Variants in NELL1 observed in about 807,000 individuals in gnomAD.
NELL1 encodes neural EGFL like 1.
In NELL1, 76 loss-of-function variants were observed where a neutral mutation model predicts 107.4. The observed-to-expected ratio is 0.71, with a 90% confidence interval of 0.59 to 0.86. The LOEUF (loss-of-function observed/expected upper bound fraction) is 0.86, where lower values mean the gene tolerates loss of function less well. Ranked by LOEUF, NELL1 falls within the 40% of genes least tolerant of loss-of-function variation. The probability of loss-of-function intolerance (pLI) is 0.00; values close to 1 mark genes in which losing one functional copy is unlikely to be tolerated. For missense variants in NELL1, 1,024 were observed against 1,005.5 expected (o/e 1.02, Z -0.25); for synonymous variants, 353 against 341.2 (o/e 1.03, Z -0.38).
At chr11:21,148,592 A>T (rs1791842) in intron 13 of NELL1, among the ~76,000 whole-genome samples, 1 of 151,940 alleles carries the variant, frequency 6.6e-6, no homozygotes, top group Non-Finnish European at 1.5e-5. Flanking sequence ...ACAGCGTGGG[A>T]TCAACTTCTC....
At chr11:21,346,564 TATA>T (rs1409473232) in intron 14 of NELL1, among the ~76,000 whole-genome samples, 14 of 147,574 alleles carry the variant, frequency 9.5e-5, no homozygotes, top group Admixed American at 2.7e-4. Flanking sequence ...TGGTATTTGA[TATA>T]ATAATATATA....
intron 2 of NELL1, among the ~76,000 whole-genome samples, chr11:20,751,792 T>C (rs899162155): frequency 1.3e-5 from 2 of 152,236 alleles, no homozygotes; most frequent in Non-Finnish European, 2.9e-5. Flanking sequence ...GGCCAGCTTT[T>C]TGTTGGATTT....
chr11:20,871,709 T>A, intron 4 of NELL1, among the ~76,000 whole-genome samples: 1 of 152,122 alleles, frequency 6.6e-6, no homozygotes, highest in East Asian at 1.9e-4. Flanking sequence ...CCTCTTACTT[T>A]GCCTCGGAGA....
chr11:20,823,710 T>A (rs904627656), intron 3 of NELL1, among the ~76,000 whole-genome samples: 1 of 151,016 alleles, frequency 6.6e-6, no homozygotes, highest in African/African-American at 2.4e-5. Flanking sequence ...CTCTGCCAAG[T>A]ATGTGGGAAT....
At chr11:21,289,811 G>A (rs1484754551) in intron 14 of NELL1, among the ~76,000 whole-genome samples, 1 of 152,092 alleles carries the variant, frequency 6.6e-6, no homozygotes. Context: ...GTGGAGGGAG[G>A]GGCATCCGCC....
At chr11:21,485,576 G>A (rs572856656) in intron 15 of NELL1, among the ~76,000 whole-genome samples, 4 of 151,746 alleles carry the variant, frequency 2.6e-5, no homozygotes, top group Admixed American at 6.6e-5. Context: ...CTCTGCTTGC[G>A]AGCTGCTGTA....
rs145656471 is a variant in NELL1, at chr11:21,291,631, A to G, written c.1549+62177A>G. ...AGAGATACAACAACAAAAAAAGAAT[A>G]TTTCATGCCAGTATTCCCTGATGAA... On this transcript the variant is annotated intron_variant, in intron 14 of 19. Transcript: ENST00000357134. Among the ~76,000 whole-genome samples the G allele has an allele frequency of 1.6e-3, 237 of 152,274 alleles. 1 individual carries two copies. The highest frequency in any genetic ancestry group is 0.014 in the Middle Eastern group (4 of 294).
intron 16 of NELL1, among the ~76,000 whole-genome samples, chr11:21,552,883 T>C (rs1250114493): frequency 6.6e-6 from 1 of 151,784 alleles, no homozygotes; most frequent in Non-Finnish European, 1.5e-5. Flanking sequence ...AGGGCATAGT[T>C]TTTGGAAAAG....
At chr11:20,981,779 G>T (rs1851754824) in intron 12 of NELL1, among the ~76,000 whole-genome samples, 1 of 152,110 alleles carries the variant, frequency 6.6e-6, no homozygotes, top group Non-Finnish European at 1.5e-5. Context: ...GGCCAATTGT[G>T]CTGATCAGGA....
intron 14 of NELL1, among the ~76,000 whole-genome samples, chr11:21,261,995 G>A (rs558644115): frequency 2.6e-5 from 4 of 151,780 alleles, no homozygotes; most frequent in East Asian, 1.9e-4. Context: ...GGTTAGTATC[G>A]TTTATGTTAT....
chr11:21,442,962 T>TTTTTTTTTTTC (rs1853327487), intron 15 of NELL1, among the ~76,000 whole-genome samples: 1 of 145,558 alleles, frequency 6.9e-6, no homozygotes, highest in African/African-American at 2.6e-5. Context: ...TTTTTTTTTT[T>TTTTTTTTTTTC]TTTTGCATTC....
At chr11:20,829,435 C>T (rs1290329680) in intron 3 of NELL1, among the ~76,000 whole-genome samples, 1 of 151,962 alleles carries the variant, frequency 6.6e-6, no homozygotes, top group Non-Finnish European at 1.5e-5. Context: ...ACTATCTTGG[C>T]CAGGCTGGTC....
chr11:20,673,036 A>G (rs1281093909), intron 1 of NELL1, among the ~76,000 whole-genome samples: 2 of 134,624 alleles, frequency 1.5e-5, no homozygotes, highest in Non-Finnish European at 3.1e-5. Context: ...CTAATTTTGT[A>G]TTTTTAGTAG....
chr11:21,419,164 C>A (rs766254562), intron 15 of NELL1, among the ~76,000 whole-genome samples: 6 of 152,054 alleles, frequency 3.9e-5, no homozygotes, highest in Non-Finnish European at 7.4e-5. Context: ...TTGACCAAGT[C>A]TCTTATACTT....
intron 14 of NELL1, among the ~76,000 whole-genome samples, chr11:21,281,719 G>C (rs1276632953): frequency 6.6e-6 from 1 of 151,996 alleles, no homozygotes; most frequent in African/African-American, 2.4e-5. Flanking sequence ...CATTTGTTTG[G>C]GAGAAAGTAA....
intron 14 of NELL1, among the ~76,000 whole-genome samples, chr11:21,370,245 C>A (rs1851327347): frequency 6.6e-6 from 1 of 151,940 alleles, no homozygotes; most frequent in Non-Finnish European, 1.5e-5. Flanking sequence ...CCAGCATTTC[C>A]ACACTGAGGC....
At chr11:21,559,117 C>T (rs1856792272) in intron 16 of NELL1, among the ~76,000 whole-genome samples, 1 of 152,082 alleles carries the variant, frequency 6.6e-6, no homozygotes, top group Non-Finnish European at 1.5e-5. Context: ...AAAAAAGTAA[C>T]TTCTAGAAAT....
intron 3 of NELL1, among the ~76,000 whole-genome samples, chr11:20,813,676 T>C (rs1857555467): frequency 6.6e-6 from 1 of 152,204 alleles, no homozygotes; most frequent in Admixed American, 6.5e-5. Flanking sequence ...TGATTATGTA[T>C]TTGTTAAAAA....
chr11:21,384,481 A>G (rs1851690268), intron 15 of NELL1, among the ~76,000 whole-genome samples: 1 of 151,546 alleles, frequency 6.6e-6, no homozygotes, highest in African/African-American at 2.4e-5. Flanking sequence ...GTTTTAGGGT[A>G]CATGTGCAAA....
Sources: gnomAD v4.1 joint callset for allele counts (sites outside exome capture counted in the v4.1 genomes callset) on GRCh38, gnomAD v4.1.1 for gene constraint, MANE v1.5 for transcripts, NCBI Gene and HGNC (gene_info 2026-07-23, HGNC 2026-07-21) for gene names.